Variants in GAGE1 observed in about 807,000 individuals in gnomAD.
GAGE1 encodes the protein G antigen 4.
A neutral mutation model predicts 5.0 loss-of-function variants in GAGE1; 5 were observed. That is an observed-to-expected ratio of 1.00 (90% CI 0.52 to 2.11). The LOEUF (loss-of-function observed/expected upper bound fraction) is 2.11. Among genes scored for constraint, GAGE1 ranks in the 30% most tolerant of loss-of-function variants. The pLI is 0.01. For synonymous variants in GAGE1, 6 were observed against 14.8 expected, an observed-to-expected ratio of 0.40 and a Z score of 1.37; for missense variants, 9 against 38.9, an observed-to-expected ratio of 0.23 and a Z score of 2.04.
intron 3 of GAGE1, among the ~76,000 whole-genome samples, chrX:49,602,182 A>T (rs1333283097): frequency 1.8e-5 from 2 of 113,154 alleles, no homozygotes; most frequent in Non-Finnish European, 3.7e-5. Flanking sequence ...TACATAAATA[A>T]ATTCATTAAA....
chrX:49,605,023 G>A, intron 4 of GAGE1: 2 of 1,019,375 alleles, frequency 2.0e-6, no homozygotes, highest in Non-Finnish European at 2.6e-6. Flanking sequence ...ATGTTGCCCA[G>A]ACTGGGATTC....
chrX:49,606,251 G>A lies in GAGE1; in HGVS notation c.*236G>A. ...TATTGATTTTCTATCCAGCAACCTT[G>A]TTAAATATGCTTATGAATTTTAAAA... On this transcript the variant is annotated 3_prime_UTR_variant, in exon 5 of 5. Coordinates refer to ENST00000381700, the MANE Select transcript of GAGE1 (RefSeq NM_001040663.4). 3 of 224,040 alleles carry A rather than the reference G, an allele frequency of 1.3e-5. No homozygotes were observed. Among genetic ancestry groups the A allele is most frequent in the Non-Finnish European group, 2.5e-5 (3 of 119,377 alleles). 18.5% of individuals were successfully genotyped at this position (224,040 alleles called of 1,213,427 possible).
At position 49,604,895 on chromosome X, in the gene GAGE1, G is replaced by A. The variant is rs577531558; in HGVS notation, c.332-1098G>A. The A allele has an allele frequency of 3.8e-4, 110 of 287,893 alleles. 1 individual carries two copies. Among genetic ancestry groups the A allele is most frequent in the South Asian group, 3.7e-3 (105 of 28,059 alleles). 23.7% of individuals were successfully genotyped at this position (287,893 alleles called of 1,213,427 possible). A position where few individuals can be genotyped will look rare whatever the true frequency, so the allele number is the denominator to read the frequency against. On this transcript the variant is annotated intron_variant, in intron 4 of 4. Transcript: ENST00000381700. The stretch of plus-strand genomic sequence containing the variant: ...TACTTTCAGCTCACTGCAACCTCTG[G>A]CTCCCAGGCTAAAGCAGTCCTCCCA...
At chrX:49,605,942 AATAAT>A in intron 4 of GAGE1, 46 bp from the exon 5 acceptor site, 3 of 744,490 alleles carry the variant, frequency 4.0e-6, no homozygotes, top group Non-Finnish European at 5.4e-6. Flanking sequence ...TAATAATAAT[AATAAT>A]AATCTGTTGC....
chrX:49,607,319 A>C lies in GAGE1; in HGVS notation c.*1304A>C, dbSNP rs1398168317. 8.9e-6 allele frequency: 1 copy of C among 111,943 alleles called. No homozygotes were observed. The highest frequency in any genetic ancestry group is 2.8e-4 in the East Asian group (1 of 3,605). The allele number at this position is 111,943 out of a possible 1,213,427, so 9.2% of individuals were successfully genotyped here. Reference sequence around the variant, plus strand: ...GGTCATGGGTAATCTATGTCCTAATAATTTATTTAAGGATTTTTATGTATA... The same window carrying C: ...GGTCATGGGTAATCTATGTCCTAATCATTTATTTAAGGATTTTTATGTATA... On this transcript the variant is annotated 3_prime_UTR_variant, in exon 5 of 5. Transcript: ENST00000381700.
chrX:49,605,119 T>C (rs1557131943), intron 4 of GAGE1: 5 of 1,009,148 alleles, frequency 5.0e-6, no homozygotes, highest in South Asian at 3.7e-5. Context: ...AGAGACCGTT[T>C]AGTTCCTATC....
intron 4 of GAGE1, among the ~76,000 whole-genome samples, chrX:49,604,145 G>A (rs2066634669): frequency 8.9e-6 from 1 of 112,694 alleles, no homozygotes; most frequent in Non-Finnish European, 1.9e-5. Context: ...GAGCCACTGT[G>A]CCAGACCCAG....
rs1557132432 is a variant in GAGE1, at chrX:49,608,362, T to C, written c.*2347T>C. On this transcript the variant is annotated 3_prime_UTR_variant, in exon 5 of 5. Coordinates refer to ENST00000381700, the MANE Select transcript of GAGE1 (RefSeq NM_001040663.4). ...AACATAAAGGTGTTTAAGTTGTTGC[T>C]CAAAATATGGAAAGAATCTAGCTCT... is the stretch of plus-strand genomic sequence containing the variant. 8.9e-6 allele frequency: 1 copy of C among 111,898 alleles called. No homozygotes were observed. Among genetic ancestry groups the C allele is most frequent in the Non-Finnish European group, 1.9e-5 (1 of 53,247 alleles). The allele number at this position is 111,898 out of a possible 1,213,427, so 9.2% of individuals were successfully genotyped here.
chrX:49,605,782 G>C (rs782315687), intron 4 of GAGE1, among the ~76,000 whole-genome samples: 1 of 110,112 alleles, frequency 9.1e-6, no homozygotes, highest in Non-Finnish European at 1.9e-5. Flanking sequence ...GGTGGCACGC[G>C]CCTGTGGTCC....
chrX:49,605,074 A>G (rs1395092968), intron 4 of GAGE1: 2 of 1,020,237 alleles, frequency 2.0e-6, no homozygotes, highest in African/African-American at 3.9e-5. Flanking sequence ...ATCTTTCCCC[A>G]CGGAAACCTT....
chrX:49,604,850 C>T (rs1176602031), intron 4 of GAGE1: 19 of 227,094 alleles, frequency 8.4e-5, no homozygotes, highest in Non-Finnish European at 1.4e-4. Context: ...GTCTGTCACC[C>T]AGGGTGGAGT....
Position 49,605,908 on chromosome X carries a change from AAATAATAATAATAAT to A in GAGE1, c.332-57_332-43del, listed in dbSNP as rs35884078. 424 of 308,749 alleles carry A rather than the reference AAATAATAATAATAAT, an allele frequency of 1.4e-3. 2 individuals are homozygous for A. The highest frequency in any genetic ancestry group is 5.8e-3 in the African/African-American group (170 of 29,538). The allele number at this position is 308,749 out of a possible 1,213,427, so 25.4% of individuals were successfully genotyped here. Reference sequence around the variant, plus strand: ...GGGCAACAGAGTGAGACTCCATCTAAAATAATAATAATAATAATAATAATAATAATAATAATAATA... The same window carrying A: ...GGGCAACAGAGTGAGACTCCATCTAAAATAATAATAATAATAATAATAATA... On this transcript the variant is annotated intron_variant, in intron 4 of 4. Transcript: ENST00000381700.
chrX:49,606,093 C>A lies in GAGE1; in HGVS notation c.*78C>A. 3.3e-6 allele frequency: 2 copies of A among 610,113 alleles called. No homozygotes were observed. The highest frequency in any genetic ancestry group is 4.8e-6 in the Non-Finnish European group (2 of 419,760). 50.3% of individuals were successfully genotyped at this position (610,113 alleles called of 1,213,427 possible). ...TTGAAGTTCTCCCAATAAAGCTTTA[C>A]AGCCTTCTGCAAAGAAGTCTTGTGA... On this transcript the variant is annotated 3_prime_UTR_variant, in exon 5 of 5. Coordinates refer to ENST00000381700, the MANE Select transcript of GAGE1 (RefSeq NM_001040663.4).
intron 3 of GAGE1, among the ~76,000 whole-genome samples, chrX:49,602,323 T>C (rs1435244130): frequency 1.1e-5 from 1 of 93,118 alleles, no homozygotes; most frequent in Non-Finnish European, 2.3e-5. Flanking sequence ...AATTTTAGGA[T>C]ATCTGTATTT....
intron 4 of GAGE1, among the ~76,000 whole-genome samples, chrX:49,604,607 G>T (rs1557131763): frequency 8.9e-6 from 1 of 112,111 alleles, no homozygotes; most frequent in African/African-American, 3.2e-5. Flanking sequence ...TAGAATGCGT[G>T]GGACACAGAG....
At chrX:49,604,386 C>T (rs782667138) in intron 4 of GAGE1, among the ~76,000 whole-genome samples, 58 of 112,223 alleles carry the variant, frequency 5.2e-4, no homozygotes, top group African/African-American at 1.8e-3. Context: ...TTAATCAATA[C>T]ATAACACATT....
At chrX:49,602,422 C>G (rs1251418352) in intron 3 of GAGE1, among the ~76,000 whole-genome samples, 2 of 77,104 alleles carry the variant, frequency 2.6e-5, no homozygotes, top group Admixed American at 1.4e-4. Context: ...ATCTTCAAGT[C>G]ATAGCATTCA....
chrX:49,604,903 G>A, intron 4 of GAGE1: 1 of 315,273 alleles, frequency 3.2e-6, no homozygotes, highest in Non-Finnish European at 5.7e-6. Flanking sequence ...TGGCTCCCAG[G>A]CTAAAGCAGT....
rs2066668131 is a variant in GAGE1, at chrX:49,607,931, G to C, written c.*1916G>C. 9.0e-6 allele frequency: 1 copy of C among 111,577 alleles called. No individual in the cohort carries two copies. Among genetic ancestry groups the C allele is most frequent in the Non-Finnish European group, 1.9e-5 (1 of 53,171 alleles). The allele number at this position is 111,577 out of a possible 1,213,427, so 9.2% of individuals were successfully genotyped here. ...ACCTCTTTAGATCCTCACAAGATAA[G>C]GCAGAATTTTCATGAAATTGATGAC... On this transcript the variant is annotated 3_prime_UTR_variant, in exon 5 of 5. Transcript: ENST00000381700.
Sources: allele counts gnomAD v4.1 joint callset (sites outside exome capture counted in the v4.1 genomes callset), GRCh38; gene constraint gnomAD v4.1.1; transcripts MANE v1.5; gene names NCBI Gene and HGNC (gene_info 2026-07-23, HGNC 2026-07-21).